The following TASP1 variants were observed in gnomAD, a reference collection of about 807,000 sequenced individuals.
TASP1 encodes taspase 1.
In TASP1, 16 loss-of-function variants were observed where a neutral mutation model predicts 56.6. That is an observed-to-expected ratio of 0.28 (90% CI 0.19 to 0.43). TASP1 has a LOEUF of 0.43. TASP1 is among the 20% of genes least tolerant of loss of function. TASP1 has a pLI of 1.00. For missense variants in TASP1, 393 were observed against 511.6 expected (o/e 0.77, Z 2.24); for synonymous variants, 179 against 184.2 (o/e 0.97, Z 0.23).
intron 6 of TASP1, among the ~76,000 whole-genome samples, chr20:13,580,620 TTAAAAA>T (rs572609211): frequency 6.6e-6 from 1 of 152,186 alleles, no homozygotes; most frequent in Non-Finnish European, 1.5e-5. Context: ...CTTCTCAAAA[TTAAAAA>T]TTACTTTAGA....
At chr20:13,214,787 C>G in the TASP1 span, among the ~76,000 whole-genome samples, 1 of 152,164 alleles carries the variant, frequency 6.6e-6, no homozygotes, top group Admixed American at 6.5e-5. Flanking sequence ...TCATTTTAAA[C>G]AGTCTACCAC....
At chr20:13,618,181 G>A (rs1427069932) in intron 4 of TASP1, among the ~76,000 whole-genome samples, 17 of 152,010 alleles carry the variant, frequency 1.1e-4, no homozygotes, top group African/African-American at 2.7e-4. Flanking sequence ...AGGCCGAGGC[G>A]GGTGGATCAC....
chr20:13,184,234 T>C, the TASP1 span, among the ~76,000 whole-genome samples: 8 of 152,118 alleles, frequency 5.3e-5, no homozygotes, highest in South Asian at 1.4e-3. Context: ...CAATAGATTA[T>C]AGAACAAAAG....
At chr20:13,450,148 A>C (rs1156653404) in intron 11 of TASP1, among the ~76,000 whole-genome samples, 1 of 152,128 alleles carries the variant, frequency 6.6e-6, no homozygotes, top group Non-Finnish European at 1.5e-5. Context: ...CTATGTCTAA[A>C]AAATGTAAAT....
chr20:13,541,684 C>T (rs2045627508), intron 8 of TASP1, among the ~76,000 whole-genome samples: 1 of 151,970 alleles, frequency 6.6e-6, no homozygotes, highest in African/African-American at 2.4e-5. Flanking sequence ...ATGCCAAGCA[C>T]CCAGAAAAGC....
chr20:13,437,549 C>T (rs955562851), intron 11 of TASP1, among the ~76,000 whole-genome samples: 59 of 152,064 alleles, frequency 3.9e-4, no homozygotes, highest in Non-Finnish European at 6.6e-4. Context: ...TATTCAATTA[C>T]GAAAAGAGGA....
intron 12 of TASP1, among the ~76,000 whole-genome samples, chr20:13,429,923 A>G (rs1380889911): frequency 2.0e-5 from 3 of 151,986 alleles, no homozygotes; most frequent in African/African-American, 7.3e-5. Flanking sequence ...TTTGGGACCC[A>G]TGGCTATGTT....
intron 10 of TASP1, among the ~76,000 whole-genome samples, chr20:13,485,473 A>AT (rs1035001195): frequency 6.6e-6 from 1 of 152,034 alleles, no homozygotes; most frequent in East Asian, 1.9e-4. Flanking sequence ...AAAAGGATGA[A>AT]TTTTTTTTAG....
At chr20:13,370,539 T>TA in the TASP1 span, among the ~76,000 whole-genome samples, 4,364 of 152,222 alleles carry the variant, frequency 0.029, 203 homozygotes, top group African/African-American at 0.097. Flanking sequence ...TTTTCTTTTA[T>TA]AAAGGTTTCT....
At chr20:13,202,433 T>C in the TASP1 span, among the ~76,000 whole-genome samples, 1 of 152,376 alleles carries the variant, frequency 6.6e-6, no homozygotes, top group South Asian at 2.1e-4. Context: ...TACATTTATG[T>C]AATTTAATTC....
At chr20:13,545,799 A>G (rs1190640622) in intron 8 of TASP1, among the ~76,000 whole-genome samples, 3 of 152,124 alleles carry the variant, frequency 2.0e-5, no homozygotes, top group African/African-American at 7.2e-5. Flanking sequence ...TCCTGCAGAA[A>G]ACCTACGGTG....
chr20:13,540,802 AT>A (rs1168436324), intron 8 of TASP1, among the ~76,000 whole-genome samples: 3 of 152,174 alleles, frequency 2.0e-5, no homozygotes, highest in African/African-American at 7.2e-5. Flanking sequence ...TTACATGGTT[AT>A]ATACACATGT....
chr20:13,422,443 A>G (rs1275037941), intron 12 of TASP1, among the ~76,000 whole-genome samples: 1 of 152,072 alleles, frequency 6.6e-6, no homozygotes, highest in Non-Finnish European at 1.5e-5. Flanking sequence ...TGCTGCATAT[A>G]TAGATGTTAC....
At chr20:13,601,023 C>T (rs757787980) in intron 4 of TASP1, among the ~76,000 whole-genome samples, 54 of 152,264 alleles carry the variant, frequency 3.5e-4, no homozygotes, top group Non-Finnish European at 7.1e-4. Context: ...CGCCTGTAAT[C>T]CCAACCCTCT....
the TASP1 span, chr20:13,165,854 A>C: frequency 1.3e-5 from 2 of 152,142 alleles, no homozygotes; most frequent in Non-Finnish European, 2.9e-5. Context: ...AGACCAACAC[A>C]CTTGTTTAGG....
intron 10 of TASP1, among the ~76,000 whole-genome samples, chr20:13,517,798 A>G (rs1312996223): frequency 6.6e-6 from 1 of 152,176 alleles, no homozygotes; most frequent in Non-Finnish European, 1.5e-5. Flanking sequence ...CTTTACTTAT[A>G]TAAAAAGCAA....
intron 13 of TASP1, among the ~76,000 whole-genome samples, chr20:13,402,380 C>T (rs192977716): frequency 1.4e-4 from 21 of 152,324 alleles, no homozygotes; most frequent in Admixed American, 1.2e-3. Context: ...TCTAAATAGA[C>T]CCAATGGGAT....
chr20:13,417,212 G>T (rs1459043266), intron 13 of TASP1, among the ~76,000 whole-genome samples: 1 of 152,184 alleles, frequency 6.6e-6, no homozygotes, highest in Non-Finnish European at 1.5e-5. Flanking sequence ...GGCTGTGGGG[G>T]AAAGTGGGCA....
At chr20:13,562,805 C>A (rs6109946) in intron 7 of TASP1, among the ~76,000 whole-genome samples, 112,519 of 149,922 alleles carry the variant, frequency 0.75, 43,073 homozygotes, top group African/African-American at 0.91. Flanking sequence ...TTAGTCTGGG[C>A]AGTCAAGGTT....
Sources: gnomAD v4.1 joint callset for allele counts (sites outside exome capture counted in the v4.1 genomes callset) on GRCh38, gnomAD v4.1.1 for gene constraint, MANE v1.5 for transcripts, NCBI Gene and HGNC (gene_info 2026-07-23, HGNC 2026-07-21) for gene names.